The following RNF151 variants were observed in gnomAD, a reference collection of about 807,000 sequenced individuals.
RNF151 encodes the protein ring finger protein 151.
In RNF151, 9 loss-of-function variants were observed where a neutral mutation model predicts 11.1. The observed-to-expected ratio is 0.81, with a 90% CI of 0.49 to 1.42. The LOEUF (loss-of-function observed/expected upper bound fraction) is 1.42, where lower values mean the gene tolerates loss of function less well. Among genes scored for constraint, RNF151 ranks in the 40% most tolerant of loss-of-function variants. The pLI, the probability that RNF151 is intolerant of heterozygous loss-of-function variation, is 0.00. For missense variants in RNF151, 372 were observed against 342.9 expected (o/e 1.08, Z -0.67); for synonymous variants, 172 against 140.7 (o/e 1.22, Z -1.58).
In RNF151 at chr16:1,968,483, G is replaced by C. The variant is rs765784289; in HGVS notation, c.296G>C (p.Arg99Pro). 1.3e-6 allele frequency: 2 copies of C among 1,590,136 alleles called. No individual in the cohort carries two copies. The highest frequency in any genetic ancestry group is 1.7e-6 in the Non-Finnish European group (2 of 1,165,348). Residue 99 changes from arginine to proline, a missense_variant, in exon 4 of 4, where the codon CGC becomes CCC. Arg to Pro is a moderately radical substitution (Grantham distance 103, BLOSUM62 -2). Coordinates refer to ENST00000569714, the MANE Select transcript of RNF151 (RefSeq NM_174903.6). ...ATAGTGACATGCCCCCTGGCCCATC[G>C]CAAGGGGCACCAGGACTCATGCCCC... ...GCIVTCPLAHRKGHQDSCPFE... is the reference protein window; with the variant it reads ...GCIVTCPLAHPKGHQDSCPFE...
rs1045580015 is a variant in RNF151, at chr16:1,968,732, T to G, written c.545T>G (p.Leu182Arg). The stretch of plus-strand genomic sequence containing the variant: ...CGCCGTCGGCCCCTGCTGCTGTCCC[T>G]CCTGCGGCGTGTGCGCTGGCTGGAC... ...QERRRPLLLS[L>R]LRRVRWLDQA... is the part of the protein sequence containing the mutation. Residue 182 changes from leucine (L) to arginine (R), a missense_variant, in exon 4 of 4, where the codon CTC becomes CGC. By Grantham distance (102) the Leu-to-Arg change is moderately radical. Coordinates refer to ENST00000569714, the MANE Select transcript of RNF151 (RefSeq NM_174903.6). 3.2e-6 allele frequency: 5 copies of G among 1,570,744 alleles called. No homozygotes were observed. The African/African-American group carries it at 6.8e-5, about 21-fold the overall frequency.
intron 2 of RNF151, 80 bp from the exon 3 acceptor site, chr16:1,967,645 C>A: frequency 8.3e-7 from 1 of 1,199,766 alleles, no homozygotes. Flanking sequence ...ATGAAGGGAC[C>A]ACCTGGGTCA....
Position 1,968,359 on chromosome 16 carries a change from C to T in RNF151, c.247-75C>T, listed in dbSNP as rs536980940. On this transcript the variant is annotated intron_variant, in intron 3 of 3. Coordinates refer to ENST00000569714, the MANE Select transcript of RNF151 (RefSeq NM_174903.6). ...AGGCTCCCGGTTCCCTGGTTCCTGG[C>T]GAATGGAAAGCCAGGGGTGGGGGAT... The T allele has an allele frequency of 2.5e-3, 3,604 of 1,439,156 alleles. 10 individuals are homozygous for T. The highest frequency in any genetic ancestry group is 3.0e-3 in the Non-Finnish European group (3,320 of 1,096,176). The allele number at this position is 1,439,156 out of a possible 1,614,324, so 89.1% of individuals were successfully genotyped here. A position where few individuals can be genotyped will look rare whatever the true frequency, so the allele number is the denominator to read the frequency against.
chr16:1,967,121 G>A, intron 1 of RNF151, 153 bp from the exon 2 acceptor site: 3 of 569,696 alleles, frequency 5.3e-6, no homozygotes, highest in South Asian at 7.7e-5. Flanking sequence ...AACCCCCACA[G>A]CTGCCCCCTC....
chr16:1,967,651 G>T, intron 2 of RNF151, 74 bp from the exon 3 acceptor site: 1 of 1,246,292 alleles, frequency 8.0e-7, no homozygotes, highest in Non-Finnish European at 1.2e-6. Flanking sequence ...GGACCACCTG[G>T]GTCACCGAGT....
At chr16:1,968,018 T>C in intron 3 of RNF151, 197 bp downstream of exon 3, 1 of 704,056 alleles carries the variant, frequency 1.4e-6, no homozygotes, top group East Asian at 2.7e-5. Context: ...TCACCTAACT[T>C]TTCCAAGCCC....
rs572789344 is a variant in RNF151 at position 1,968,544 on chromosome 16, C to T, written c.357C>T (p.Thr119=). ...ELTACPNEGC[T]SQVPRGTLAE... ...CGGCCTGCCCCAACGAGGGCTGCAC[C>T]TCGCAGGTGCCGCGTGGGACCCTGG... is the stretch of plus-strand genomic sequence containing the variant. Residue 119 remains threonine, a synonymous_variant, in exon 4 of 4, where the codon ACC becomes ACT. Coordinates refer to ENST00000569714, the MANE Select transcript of RNF151 (RefSeq NM_174903.6). 1 of 1,609,358 alleles carries T rather than the reference C, an allele frequency of 6.2e-7. No homozygotes were observed. Among genetic ancestry groups the T allele is most frequent in the South Asian group, 1.1e-5 (1 of 90,392 alleles).
intron 1 of RNF151, among the ~76,000 whole-genome samples, 191 bp from the exon 2 acceptor site, chr16:1,967,083 G>A (rs573645128): frequency 1.3e-4 from 20 of 152,338 alleles, no homozygotes; most frequent in Middle Eastern, 3.4e-3. Context: ...TCCAGCCAGA[G>A]ATTAGTAGTC....
At chr16:1,967,535 C>G in intron 2 of RNF151, 116 bp downstream of exon 2, 2 of 1,073,288 alleles carry the variant, frequency 1.9e-6, no homozygotes, top group South Asian at 3.0e-5. Context: ...TCTCCCTAAA[C>G]TAAAATGTGT....
rs779583468 is a variant in RNF151 at position 1,968,820 on chromosome 16, C to T, written c.633C>T (p.Thr211=). 1.0e-5 allele frequency: 16 copies of T among 1,592,946 alleles called. No individual in the cohort carries two copies. In the Admixed American group the frequency reaches 1.1e-4, roughly 10 times the overall value. ...AELSNFLEED[T]ALLEGAPQEE... The stretch of plus-strand genomic sequence containing the variant: ...TCAGCAACTTCCTGGAGGAAGACAC[C>T]GCTCTGCTGGAGGGTGCCCCACAGG... Residue 211 remains threonine (T), a synonymous_variant, in exon 4 of 4, where the codon ACC becomes ACT. Coordinates refer to ENST00000569714, the MANE Select transcript of RNF151 (RefSeq NM_174903.6).
chr16:1,968,903 G>A lies in RNF151; in HGVS notation c.716G>A (p.Arg239Lys). 2 of 1,597,882 alleles carry A rather than the reference G, an allele frequency of 1.3e-6. No individual in the cohort carries two copies. The highest frequency in any genetic ancestry group is 1.7e-6 in the Non-Finnish European group (2 of 1,172,984). ...GGGGCTGAGGTGGTGGGGGAGCCCA[G>A]GGCCAACATACCTTGTAAATAGGTA... ...NVGAEVVGEP[R>K]ANIPCK The change falls in exon 4 of 4, where the codon AGG becomes AAG. Residue 239 changes from arginine to lysine, a missense_variant. Physicochemically the swap from Arg to Lys is conservative, Grantham distance 26. Transcript: ENST00000569714.
In RNF151 at chr16:1,968,482, C is replaced by T; in HGVS notation, c.295C>T (p.Arg99Cys). 3.8e-6 allele frequency: 6 copies of T among 1,589,894 alleles called. No homozygotes were observed. Among genetic ancestry groups the T allele is most frequent in the Non-Finnish European group, 2.6e-6 (3 of 1,165,252 alleles). The change falls in exon 4 of 4, where the codon CGC becomes TGC. Residue 99 changes from arginine to cysteine, a missense_variant. Physicochemically the swap from Arg to Cys is radical, Grantham distance 180. Coordinates refer to ENST00000569714, the MANE Select transcript of RNF151 (RefSeq NM_174903.6). ...GCIVTCPLAH[R>C]KGHQDSCPFE... ...CATAGTGACATGCCCCCTGGCCCAT[C>T]GCAAGGGGCACCAGGACTCATGCCC...
chr16:1,967,093 C>T (rs969366993), intron 1 of RNF151, among the ~76,000 whole-genome samples, 181 bp from the exon 2 acceptor site: 3 of 152,202 alleles, frequency 2.0e-5, no homozygotes, highest in African/African-American at 7.2e-5. Context: ...GATTAGTAGT[C>T]CTGGGGTGGG....
In RNF151 at chr16:1,968,852, C is replaced by T. The variant is rs775619176; in HGVS notation, c.665C>T (p.Ala222Val). 21 of 1,596,372 alleles carry T rather than the reference C, an allele frequency of 1.3e-5. No homozygotes were observed. In the Admixed American group the frequency reaches 3.6e-4, roughly 28 times the overall value. ...CTGGAGGGTGCCCCACAGGAGGAGG[C>T]CGAGGCTGCCCCAGAAGGCAACGTT... ...ALLEGAPQEE[A>V]EAAPEGNVGA... The change falls in exon 4 of 4, where the codon GCC (alanine) becomes GTC (valine). Residue 222 changes from alanine to valine, a missense_variant. By Grantham distance (64) the Ala-to-Val change is moderately conservative (BLOSUM62 0). Coordinates refer to ENST00000569714, the MANE Select transcript of RNF151 (RefSeq NM_174903.6).
chr16:1,968,874 C>T lies in RNF151; in HGVS notation c.687C>T (p.Asn229=), dbSNP rs761796181. ...AGGCCGAGGCTGCCCCAGAAGGCAA[C>T]GTTGGGGCTGAGGTGGTGGGGGAGC... ...QEEAEAAPEG[N]VGAEVVGEPR... Residue 229 remains asparagine, a synonymous_variant, in exon 4 of 4, where the codon AAC becomes AAT. Coordinates refer to ENST00000569714, the MANE Select transcript of RNF151 (RefSeq NM_174903.6). 6.2e-5 allele frequency: 100 copies of T among 1,600,526 alleles called. No homozygotes were observed. Among genetic ancestry groups the T allele is most frequent in the Admixed American group, 6.0e-4 (35 of 58,316 alleles).
intron 1 of RNF151, 77 bp from the exon 2 acceptor site, chr16:1,967,197 C>T: frequency 6.6e-7 from 1 of 1,524,726 alleles, no homozygotes; most frequent in Non-Finnish European, 8.8e-7. Flanking sequence ...CAAAAGCTTG[C>T]TGGGCTCTCT....
intron 2 of RNF151, 26 bp from the exon 3 acceptor site, chr16:1,967,699 T>G: frequency 6.4e-7 from 1 of 1,571,140 alleles, no homozygotes; most frequent in East Asian, 2.3e-5. Context: ...CTCCCAACAC[T>G]CACCCCTACT....
At position 1,968,763 on chromosome 16, in the gene RNF151, C is replaced by T; in HGVS notation, c.576C>T (p.Ala192=). Residue 192 remains alanine (A), a synonymous_variant, in exon 4 of 4, where the codon GCC becomes GCT. Transcript: ENST00000569714. ...LLRRVRWLDQ[A]TSVVRRELAE... is the part of the protein sequence containing the mutation. ...GGCGTGTGCGCTGGCTGGACCAAGC[C>T]ACCAGTGTCGTTCGTAGAGAGCTGG... is the stretch of plus-strand genomic sequence containing the variant. 4 of 1,585,138 alleles carry T rather than the reference C, an allele frequency of 2.5e-6. No individual in the cohort carries two copies. The highest frequency in any genetic ancestry group is 3.4e-6 in the Non-Finnish European group (4 of 1,166,674).
rs1567321877 is a variant in RNF151, at chr16:1,968,760, A to C, written c.573A>C (p.Gln191His). ...TGCGGCGTGTGCGCTGGCTGGACCAAGCCACCAGTGTCGTTCGTAGAGAGC... is the reference window on the plus strand; with the variant it reads ...TGCGGCGTGTGCGCTGGCTGGACCACGCCACCAGTGTCGTTCGTAGAGAGC... ...SLLRRVRWLD[Q>H]ATSVVRRELA... Residue 191 changes from glutamine to histidine, a missense_variant, in exon 4 of 4, where the codon CAA becomes CAC. Gln to His is a conservative substitution (Grantham distance 24). Coordinates refer to ENST00000569714, the MANE Select transcript of RNF151 (RefSeq NM_174903.6). 8.2e-6 allele frequency: 13 copies of C among 1,584,306 alleles called. No individual in the cohort carries two copies. Among genetic ancestry groups the C allele is most frequent in the Non-Finnish European group, 1.1e-5 (13 of 1,166,242 alleles).
Sources: allele counts gnomAD v4.1 joint callset (sites outside exome capture counted in the v4.1 genomes callset), GRCh38; gene constraint gnomAD v4.1.1; transcripts MANE v1.5; gene names NCBI Gene and HGNC (gene_info 2026-07-23, HGNC 2026-07-21).